Variants in ITGA11 observed in about 807,000 individuals in gnomAD.
ITGA11 encodes the protein integrin subunit alpha 11.
Under a neutral mutation model 141.9 loss-of-function variants are expected in ITGA11, and 97 were observed. That is an observed-to-expected ratio of 0.68 (90% confidence interval 0.58 to 0.81). ITGA11 has a LOEUF of 0.81. ITGA11 is among the 30% of genes least tolerant of loss of function. ITGA11 has a pLI of 0.00. For missense variants in ITGA11, 1,387 were observed against 1,559.2 expected (o/e 0.89, Z 1.86); for synonymous variants, 658 against 624.6 (o/e 1.05, Z -0.80).
chr15:68,413,784 A>G (rs540329042), intron 1 of ITGA11, among the ~76,000 whole-genome samples: 9 of 152,306 alleles, frequency 5.9e-5, no homozygotes, highest in Non-Finnish European at 1.0e-4. Context: ...ACAATTTAGA[A>G]TTGGAAACCA....
chr15:68,401,328 C>A (rs375273424), intron 2 of ITGA11, among the ~76,000 whole-genome samples: 1 of 152,104 alleles, frequency 6.6e-6, no homozygotes, highest in Non-Finnish European at 1.5e-5. Context: ...AACATAACTA[C>A]CCTTTAACTC....
rs373459154 is a variant in ITGA11 at position 68,306,062 on chromosome 15, C to T, written c.3381+1286G>A. Among the ~76,000 whole-genome samples, 1,424 of 146,724 alleles carry T rather than the reference C, an allele frequency of 9.7e-3. 19 individuals are homozygous for T. The highest frequency in any genetic ancestry group is 0.034 in the African/African-American group (1,339 of 39,764). On this transcript the variant is annotated intron_variant, in intron 28 of 29. Transcript: ENST00000315757. ...AAAATTAGCCAGGCGTAGTGGCGGG[C>T]GCCTGTAATACCTGCTACCCGGGAG...
At chr15:68,313,355 T>TG (rs1893458407) in intron 23 of ITGA11, among the ~76,000 whole-genome samples, 2 of 152,154 alleles carry the variant, frequency 1.3e-5, no homozygotes, top group South Asian at 4.1e-4. Flanking sequence ...GTCTGTCCTT[T>TG]GGGGAAGAGT....
rs964520006 is a variant in ITGA11, at chr15:68,353,127, G to A, written c.750-1725C>T. ...GAGCCACACGGCTTTGGTATCAGAG[G>A]TATCTCTTCTTACGCAGCACGCTGA... On this transcript the variant is annotated intron_variant, in intron 7 of 29. Coordinates refer to ENST00000315757, the MANE Select transcript of ITGA11 (RefSeq NM_001004439.2). 1.3e-4 allele frequency among the ~76,000 whole-genome samples: 20 copies of A among 152,218 alleles called. 1 individual carries two copies. Among genetic ancestry groups the A allele is most frequent in the African/African-American group, 3.4e-4 (14 of 41,440 alleles).
chr15:68,331,588 A>G (rs1894158130), intron 14 of ITGA11, among the ~76,000 whole-genome samples: 3 of 150,942 alleles, frequency 2.0e-5, no homozygotes, highest in Non-Finnish European at 3.0e-5. Context: ...AGTGAGGGTC[A>G]GGTGCCAGGG....
intron 22 of ITGA11, 62 bp from the exon 23 acceptor site, chr15:68,313,930 G>A: frequency 7.5e-7 from 1 of 1,330,974 alleles, no homozygotes; most frequent in Non-Finnish European, 1.1e-6. Flanking sequence ...CAGCGGGAAG[G>A]GTCTGAGGCA....
At chr15:68,371,220 G>C (rs1217971435) in intron 2 of ITGA11, among the ~76,000 whole-genome samples, 1 of 152,182 alleles carries the variant, frequency 6.6e-6, no homozygotes, top group Non-Finnish European at 1.5e-5. Flanking sequence ...GAGAAAGTGA[G>C]AGAAAGAAAG....
At chr15:68,365,921 C>T (rs1391091728) in intron 3 of ITGA11, among the ~76,000 whole-genome samples, 3 of 152,004 alleles carry the variant, frequency 2.0e-5, no homozygotes, top group Admixed American at 6.5e-5. Flanking sequence ...TGTGAAGAGT[C>T]GGCCTGGCTC....
intron 7 of ITGA11, among the ~76,000 whole-genome samples, chr15:68,353,594 C>T (rs1894979492): frequency 6.6e-6 from 1 of 152,152 alleles, no homozygotes; most frequent in Non-Finnish European, 1.5e-5. Context: ...AATCTGTAAT[C>T]GTGCGAATAT....
chr15:68,318,431 C>T (rs1262320714), intron 20 of ITGA11, among the ~76,000 whole-genome samples: 3 of 152,178 alleles, frequency 2.0e-5, no homozygotes, highest in African/African-American at 7.2e-5. Context: ...GAAATCCAGA[C>T]AGACACAAGT....
intron 2 of ITGA11, among the ~76,000 whole-genome samples, chr15:68,395,070 C>T (rs1345937678): frequency 6.6e-6 from 1 of 152,124 alleles, no homozygotes; most frequent in South Asian, 2.1e-4. Flanking sequence ...CTCCAACAGA[C>T]CTGCAGCTGA....
intron 2 of ITGA11, among the ~76,000 whole-genome samples, chr15:68,387,409 A>G (rs1437533214): frequency 6.6e-6 from 1 of 152,160 alleles, no homozygotes; most frequent in Non-Finnish European, 1.5e-5. Context: ...CAGCAGCACC[A>G]GCACCACCTG....
chr15:68,355,061 G>A (rs1387677961), intron 7 of ITGA11, among the ~76,000 whole-genome samples: 2 of 152,170 alleles, frequency 1.3e-5, no homozygotes, highest in East Asian at 3.8e-4. Context: ...TAACTGAGCA[G>A]GGGTTGGTGG....
intron 1 of ITGA11, among the ~76,000 whole-genome samples, chr15:68,417,719 G>A (rs1260413074): frequency 6.6e-6 from 1 of 152,164 alleles, no homozygotes; most frequent in Non-Finnish European, 1.5e-5. Flanking sequence ...GATACACCAA[G>A]CTGTTTCCCA....
chr15:68,398,031 A>C (rs1357431659), intron 2 of ITGA11, among the ~76,000 whole-genome samples: 2 of 151,242 alleles, frequency 1.3e-5, no homozygotes, highest in Non-Finnish European at 3.0e-5. Flanking sequence ...AACAACCGGT[A>C]CCAGCCGCTG....
intron 3 of ITGA11, 34 bp from the exon 4 acceptor site, chr15:68,364,832 C>T (rs1397103037): frequency 2.5e-6 from 4 of 1,589,886 alleles, no homozygotes; most frequent in South Asian, 2.2e-5. Context: ...CTTGCAGCCC[C>T]CTCCTGCCCG....
intron 9 of ITGA11, among the ~76,000 whole-genome samples, chr15:68,349,569 A>G (rs1230611010): frequency 6.6e-6 from 1 of 152,158 alleles, no homozygotes; most frequent in Non-Finnish European, 1.5e-5. Context: ...GCCCTTGTTT[A>G]CGAGGGCCAT....
intron 9 of ITGA11, among the ~76,000 whole-genome samples, chr15:68,349,523 G>C (rs939988832): frequency 1.3e-5 from 2 of 152,136 alleles, no homozygotes; most frequent in African/African-American, 4.8e-5. Flanking sequence ...TTCTGGAGTG[G>C]GTGTCAAAGC....
rs147493120 is a variant in ITGA11 at position 68,347,546 on chromosome 15, AGT to A, written c.1131+1282_1131+1283del. On this transcript the variant is annotated intron_variant, in intron 10 of 29. Coordinates refer to ENST00000315757, the MANE Select transcript of ITGA11 (RefSeq NM_001004439.2). Reference sequence around the variant, plus strand: ...TCCAGATGCAGCTCAGAAAAGTCTGAGTGTGAGTGGCATTTCCGTCCATCTGC... The same window carrying A: ...TCCAGATGCAGCTCAGAAAAGTCTGAGTGAGTGGCATTTCCGTCCATCTGC... 3.8e-4 allele frequency among the ~76,000 whole-genome samples: 58 copies of A among 152,274 alleles called. No homozygotes were observed. In the East Asian group the frequency reaches 0.01, roughly 27 times the overall value.
Sources: allele counts gnomAD v4.1 joint callset (sites outside exome capture counted in the v4.1 genomes callset), GRCh38; gene constraint gnomAD v4.1.1; transcripts MANE v1.5; gene names NCBI Gene and HGNC (gene_info 2026-07-23, HGNC 2026-07-21).